The following PKD1 variants were observed in gnomAD, a reference collection of about 807,000 sequenced individuals.
The protein encoded by PKD1 is polycystin 1, transient receptor potential channel interacting, also known as polycystin-1.
Under a neutral mutation model 361.7 loss-of-function variants are expected in PKD1, and 81 were observed. The ratio of observed to expected loss-of-function variants is 0.22; its 90% confidence interval spans 0.19 to 0.27. The LOEUF is 0.27. Ranked by LOEUF, PKD1 falls within the 10% of genes least tolerant of loss-of-function variation. PKD1 has a pLI of 1.00. For synonymous variants in PKD1, 3,615 were observed against 2,818.3 expected (o/e 1.28, Z -8.95); for missense variants, 6,399 against 6,118.3 (o/e 1.05, Z -1.53).
rs150772277 is a variant in PKD1 at position 2,110,109 on chromosome 16, G to A, written c.5058C>T (p.Thr1686=). 4.7e-5 allele frequency: 76 copies of A among 1,609,614 alleles called. No individual in the cohort carries two copies. The African/African-American group carries it at 6.0e-4, about 13-fold the overall frequency. ...CATGGTAGGTGCCGGCCTCGAGCAC[G>A]GTGAGCGAGAAGCCTTTGCCGCTGC... The part of the protein sequence containing the change: ...LAGSGKGFSL[T]VLEAGTYHVQ... The change falls in exon 15 of 46, where the codon ACC becomes ACT. Residue 1686 remains threonine (T), a synonymous_variant. Coordinates refer to ENST00000262304, the MANE Select transcript of PKD1 (RefSeq NM_001009944.3).
rs375155193 is a variant in PKD1, at chr16:2,089,681, C to T, written c.*46G>A. The T allele has an allele frequency of 9.9e-4, 1,530 of 1,546,314 alleles. 2 individuals are homozygous for T. The highest frequency in any genetic ancestry group is 1.2e-3 in the Non-Finnish European group (1,363 of 1,144,402). ...GACAGCGGCAGAAAGTAATACTGAGCGGTGTCCACTCCGACTCCACGGCCC... is the reference window on the plus strand; with the variant it reads ...GACAGCGGCAGAAAGTAATACTGAGTGGTGTCCACTCCGACTCCACGGCCC... On this transcript the variant is annotated 3_prime_UTR_variant, in exon 46 of 46. Coordinates refer to ENST00000262304, the MANE Select transcript of PKD1 (RefSeq NM_001009944.3).
At position 2,111,104 on chromosome 16, in the gene PKD1, A is replaced by G. The variant is rs571647404; in HGVS notation, c.4063T>C (p.Phe1355Leu). 5.0e-6 allele frequency: 8 copies of G among 1,610,682 alleles called. No homozygotes were observed. The South Asian group carries it at 6.6e-5, about 13-fold the overall frequency. Reference sequence around the variant, plus strand: ...CTGGACAGCACCAGCGCCAGGGGGAACGTGCCGCTCCGCGTGAAGTTGTGT... The same window carrying G: ...CTGGACAGCACCAGCGCCAGGGGGAGCGTGCCGCTCCGCGTGAAGTTGTGT... ...VTHNFTRSGT[F>L]PLALVLSSRV... The change falls in exon 15 of 46, where the codon TTC becomes CTC. Residue 1355 changes from phenylalanine (F) to leucine (L), a missense_variant. Coordinates refer to ENST00000262304, the MANE Select transcript of PKD1 (RefSeq NM_001009944.3).
At chr16:2,094,824 T>C (rs1300222614) in intron 34 of PKD1, 2 of 153,970 alleles carry the variant, frequency 1.3e-5, no homozygotes, top group African/African-American at 4.8e-5. Flanking sequence ...GAAGACACGT[T>C]GAGGGGGAGG....
intron 38 of PKD1, 57 bp from the exon 39 acceptor site, chr16:2,092,649 G>A (rs1244121404): frequency 8.8e-6 from 11 of 1,252,296 alleles, no homozygotes; most frequent in East Asian, 7.2e-5. Flanking sequence ...CGCCTCGAGT[G>A]AGCGGCCACC....
chr16:2,103,183 A>T (rs1471207075), intron 23 of PKD1, 83 bp downstream of exon 23: 2 of 1,430,744 alleles, frequency 1.4e-6, no homozygotes, highest in African/African-American at 2.8e-5. Context: ...TTCACCAGAG[A>T]CACCCATGGA....
At position 2,089,772 on chromosome 16, in the gene PKD1, C is replaced by G. The variant is rs768552525; in HGVS notation, c.12867G>C (p.Arg4289Ser). The G allele has an allele frequency of 6.3e-7, 1 of 1,596,772 alleles. No homozygotes were observed. Among genetic ancestry groups the G allele is most frequent in the South Asian group, 1.1e-5 (1 of 88,670 alleles). Residue 4289 changes from arginine (R) to serine (S), a missense_variant, in exon 46 of 46, where the codon AGG becomes AGC. Coordinates refer to ENST00000262304, the MANE Select transcript of PKD1 (RefSeq NM_001009944.3). Reference protein sequence around the residue: ...RGVDLATGPSRTPLRAKNKVH... With the variant: ...RGVDLATGPSSTPLRAKNKVH... The stretch of plus-strand genomic sequence containing the variant: ...CCTTGTTCTTGGCCCGAAGGGGTGT[C>G]CTGCTGGGGCCAGTGGCCAGGTCCA...
rs1312766441 is a variant in PKD1 at position 2,108,755 on chromosome 16, T to C, written c.6412A>G (p.Thr2138Ala). Reference sequence around the variant, plus strand: ...CAGGCCAGCACCTGGACGGTCACCGTGGCCTGCGCCACGAAGAAGCTCACC... The same window carrying C: ...CAGGCCAGCACCTGGACGGTCACCGCGGCCTGCGCCACGAAGAAGCTCACC... The part of the protein sequence containing the change: ...NLVSFFVAQA[T>A]VTVQVLACRE... Residue 2138 changes from threonine (T) to alanine (A), a missense_variant, in exon 15 of 46, where the codon ACG becomes GCG. Coordinates refer to ENST00000262304, the MANE Select transcript of PKD1 (RefSeq NM_001009944.3). 8 of 1,570,454 alleles carry C rather than the reference T, an allele frequency of 5.1e-6. No individual in the cohort carries two copies. Among genetic ancestry groups the C allele is most frequent in the African/African-American group, 2.7e-5 (2 of 73,820 alleles).
rs1567159275 is a variant in PKD1, at chr16:2,094,099, G to A, written c.10611C>T (p.Ser3537=). The change falls in exon 35 of 46, where the codon TCC becomes TCT. Residue 3537 remains serine (S), a synonymous_variant. Transcript: ENST00000262304. ...GGGGCTACGCAAGCACACCTGTCCTGGACAGCCTCGCTGCCTGGGGCTGTT... is the reference window on the plus strand; with the variant it reads ...GGGGCTACGCAAGCACACCTGTCCTAGACAGCCTCGCTGCCTGGGGCTGTT... ...NWEQPQAARL[S]RTGLVEGLRK... The A allele has an allele frequency of 6.3e-7, 1 of 1,591,156 alleles. No individual in the cohort carries two copies.
intron 30 of PKD1, 135 bp from the exon 31 acceptor site, chr16:2,098,119 G>A (rs1297548816): frequency 1.4e-5 from 9 of 647,978 alleles, no homozygotes; most frequent in African/African-American, 3.6e-5. Context: ...GGATATATGG[G>A]ACATCTGCAC....
intron 6 of PKD1, 136 bp downstream of exon 6, chr16:2,117,353 C>G (rs2092655252): frequency 1.5e-6 from 1 of 660,034 alleles, no homozygotes; most frequent in Admixed American, 2.9e-5. Flanking sequence ...AACGGCCCCA[C>G]CGGCCGGCGC....
rs985096663 is a variant in PKD1, at chr16:2,090,141, G to A, written c.12498C>T (p.Ser4166=). 13 of 1,596,316 alleles carry A rather than the reference G, an allele frequency of 8.1e-6. No homozygotes were observed. The highest frequency in any genetic ancestry group is 2.2e-5 in the East Asian group (1 of 44,612). ...EGMEPLPSRS[S]RGSKVSPDVP... ...CATCCGGGGATACCTTGGAGCCCCTGGAGGAGCGAGAGGGCAGCGGCTCCA... is the reference window on the plus strand; with the variant it reads ...CATCCGGGGATACCTTGGAGCCCCTAGAGGAGCGAGAGGGCAGCGGCTCCA... Residue 4166 remains serine, a synonymous_variant, in exon 46 of 46, where the codon TCC becomes TCT. Coordinates refer to ENST00000262304, the MANE Select transcript of PKD1 (RefSeq NM_001009944.3).
At position 2,119,548 on chromosome 16, in the gene PKD1, C is replaced by G. The variant is rs536582534; in HGVS notation, c.216-170G>C. ...TTCTGATGGAAGACCCAAATGAACA[C>G]TCATCTGGGGAAACCAAGCCAGGAG... is the stretch of plus-strand genomic sequence containing the variant. On this transcript the variant is annotated intron_variant, in intron 1 of 45. Transcript: ENST00000262304. 1.0e-3 allele frequency: 710 copies of G among 682,890 alleles called. 1 individual carries two copies. Among genetic ancestry groups the G allele is most frequent in the Non-Finnish European group, 1.5e-3 (577 of 375,258 alleles). 42.3% of individuals were successfully genotyped at this position (682,890 alleles called of 1,614,324 possible).
intron 11 of PKD1, chr16:2,113,858 G>C: frequency 2.1e-6 from 1 of 481,426 alleles, no homozygotes; most frequent in East Asian, 3.8e-5. Flanking sequence ...GCTTTAGCCA[G>C]GCGAGAACAC....
Position 2,102,547 on chromosome 16 carries a change from G to T in PKD1, c.9035C>A (p.Thr3012Lys). Residue 3012 changes from threonine to lysine, a missense_variant, in exon 25 of 46, where the codon ACG (threonine) becomes AAG (lysine). By Grantham distance (78) the Thr-to-Lys change is moderately conservative (BLOSUM62 -1). Transcript: ENST00000262304. ...CTCGCTGAAGTACTGGCACAGGGAC[G>T]TGTACAGGCCCACGGACACCTGCAG... ...SALQVSVGLY[T>K]SLCQYFSEED... 6.2e-7 allele frequency: 1 copy of T among 1,610,604 alleles called. No individual in the cohort carries two copies. The highest frequency in any genetic ancestry group is 8.5e-7 in the Non-Finnish European group (1 of 1,179,652).
In PKD1 at chr16:2,110,111, T is replaced by C. The variant is rs1282948777; in HGVS notation, c.5056A>G (p.Thr1686Ala). The C allele has an allele frequency of 1.9e-6, 3 of 1,609,674 alleles. No individual in the cohort carries two copies. In the South Asian group the frequency reaches 3.3e-5, roughly 18 times the overall value. The change falls in exon 15 of 46, where the codon ACC becomes GCC. Residue 1686 changes from threonine (T) to alanine (A), a missense_variant. Coordinates refer to ENST00000262304, the MANE Select transcript of PKD1 (RefSeq NM_001009944.3). ...LAGSGKGFSL[T>A]VLEAGTYHVQ... The stretch of plus-strand genomic sequence containing the variant: ...TGGTAGGTGCCGGCCTCGAGCACGG[T>C]GAGCGAGAAGCCTTTGCCGCTGCCG...
Position 2,090,772 on chromosome 16 carries a change from C to G in PKD1, c.12040G>C (p.Val4014Leu), listed in dbSNP as rs1223606341. Residue 4014 changes from valine to leucine, a missense_variant, in exon 44 of 46, where the codon GTC becomes CTC. Physicochemically the swap from Val to Leu is conservative, Grantham distance 32 (BLOSUM62 1). Transcript: ENST00000262304. The part of the protein sequence containing the change: ...QQLRFVRQWS[V>L]FGKTLCRALP... ...GCTCGGCATAATGTCTTGCCAAAGACGGACCACTGGCGCACGAAGCGTAGC... is the reference window on the plus strand; with the variant it reads ...GCTCGGCATAATGTCTTGCCAAAGAGGGACCACTGGCGCACGAAGCGTAGC... 6.2e-7 allele frequency: 1 copy of G among 1,612,528 alleles called. No individual in the cohort carries two copies. Among genetic ancestry groups the G allele is most frequent in the Non-Finnish European group, 8.5e-7 (1 of 1,179,974 alleles).
chr16:2,110,608 G>C lies in PKD1; in HGVS notation c.4559C>G (p.Thr1520Arg). Residue 1520 changes from threonine (T) to arginine (R), a missense_variant, in exon 15 of 46, where the codon ACA (threonine) becomes AGA (arginine). Coordinates refer to ENST00000262304, the MANE Select transcript of PKD1 (RefSeq NM_001009944.3). ...GPEVTHAYNS[T>R]GDFTVRVAGW... ...GGCCACCCTAACGGTGAAGTCACCT[G>C]TGCTGTTGTAAGCGTGGGTGACCTC... The C allele has an allele frequency of 3.1e-6, 5 of 1,610,544 alleles. No homozygotes were observed. Among genetic ancestry groups the C allele is most frequent in the Non-Finnish European group, 4.2e-6 (5 of 1,179,558 alleles).
chr16:2,122,385 G>A (rs1243934805), intron 1 of PKD1, among the ~76,000 whole-genome samples: 1 of 152,194 alleles, frequency 6.6e-6, no homozygotes, highest in Non-Finnish European at 1.5e-5. Flanking sequence ...CAGGCACACA[G>A]GGAACGGCCC....
intron 1 of PKD1, among the ~76,000 whole-genome samples, chr16:2,125,564 G>A (rs1011987715): frequency 6.6e-5 from 10 of 152,162 alleles, no homozygotes; most frequent in African/African-American, 2.2e-4. Context: ...CTCCGGCCTC[G>A]GAGGCTGAAC....
Sources: allele counts gnomAD v4.1 joint callset (sites outside exome capture counted in the v4.1 genomes callset), GRCh38; gene constraint gnomAD v4.1.1; transcripts MANE v1.5; gene names NCBI Gene and HGNC (gene_info 2026-07-23, HGNC 2026-07-21).